The following MROH1 variants were observed in gnomAD, a reference collection of about 807,000 sequenced individuals.
MROH1 encodes maestro heat-like repeat-containing protein family member 1.
Under a neutral mutation model 116.5 loss-of-function variants are expected in MROH1, and 117 were observed. The ratio of observed to expected loss-of-function variants is 1.00; its 90% CI spans 0.86 to 1.17. MROH1 has a LOEUF of 1.17. Ranked by LOEUF, MROH1 falls within the 50% of genes most tolerant of loss-of-function variation. The probability of loss-of-function intolerance (pLI) is 0.00; values close to 1 mark genes in which losing one functional copy is unlikely to be tolerated. For missense variants in MROH1, 1,873 were observed against 1,338.5 expected (o/e 1.40, Z -6.23); for synonymous variants, 921 against 583.9 (o/e 1.58, Z -8.32).
chr8:144,196,662 T>C (rs538241681), intron 10 of MROH1, among the ~76,000 whole-genome samples: 13 of 151,584 alleles, frequency 8.6e-5, no homozygotes, highest in Non-Finnish European at 1.5e-5. Context: ...CAGCCCCCTA[T>C]GCTTTTATTA....
chr8:144,239,219 C>T, intron 16 of MROH1, 40 bp downstream of exon 16: 1 of 747,514 alleles, frequency 1.3e-6, no homozygotes, highest in Non-Finnish European at 2.4e-6. Flanking sequence ...ACTCCTGCCC[C>T]CACTTCCCCA....
At chr8:144,191,910 C>T in intron 9 of MROH1, 55 bp downstream of exon 9, 1 of 1,602,968 alleles carries the variant, frequency 6.2e-7, no homozygotes, top group Non-Finnish European at 8.5e-7. Flanking sequence ...AATCAGACTC[C>T]CCGGGGGTGG....
At chr8:144,173,737 C>T (rs1319015960) in intron 4 of MROH1, among the ~76,000 whole-genome samples, 2 of 152,172 alleles carry the variant, frequency 1.3e-5, no homozygotes, top group African/African-American at 4.8e-5. Flanking sequence ...GATTCTTCTT[C>T]TTGGTCCCTT....
chr8:144,175,600 T>G, intron 4 of MROH1: 1 of 962,290 alleles, frequency 1.0e-6, no homozygotes, highest in Non-Finnish European at 1.2e-6. Context: ...CATTGTCTCC[T>G]ACCTGGGAAG....
At position 144,180,336 on chromosome 8, in the gene MROH1, CA is replaced by C; in HGVS notation, c.461del (p.Asn154ThrfsTer5). On this transcript the variant is annotated frameshift_variant, in exon 6 of 44. Transcript: ENST00000326134. LOFTEE classifies it high-confidence loss of function. The surrounding 1 kb of genome is among the most constrained non-coding windows in gnomAD (Gnocchi z 7.4). Reference protein sequence around the residue: ...LHTLASLSVANAFGVVPFLPS... With the variant: ...LHTLASLSVAXAFGVVPFLPS... ...ACACCCTCGCCAGCCTCTCGGTGGC[CA>C]ACGGTAGGTGACGCGCGGCCTGCCC... 1 of 1,606,562 alleles carries C rather than the reference CA, an allele frequency of 6.2e-7. No individual in the cohort carries two copies. Among genetic ancestry groups the C allele is most frequent in the Non-Finnish European group, 8.5e-7 (1 of 1,179,074 alleles).
intron 3 of MROH1, among the ~76,000 whole-genome samples, chr8:144,166,932 G>T (rs1028241463): frequency 2.6e-5 from 4 of 152,220 alleles, no homozygotes; most frequent in Non-Finnish European, 5.9e-5. Context: ...AGATCTCATT[G>T]ATTTGGATCA....
chr8:144,230,039 T>TAAC (rs1554822267), intron 14 of MROH1, among the ~76,000 whole-genome samples: 1 of 151,242 alleles, frequency 6.6e-6, no homozygotes, highest in Non-Finnish European at 1.5e-5. Context: ...GTCTCAAAAA[T>TAAC]AATAATAATA....
chr8:144,242,401 G>A lies in MROH1; in HGVS notation c.2211G>A (p.Lys737=). ...DRSENEVEKV[K]SALILCYGHV... ...GTGAGAACGAAGTGGAGAAGGTGAAGAGTGCTCTGATCCTGTGCTATGGGC... is the reference window on the plus strand; with the variant it reads ...GTGAGAACGAAGTGGAGAAGGTGAAAAGTGCTCTGATCCTGTGCTATGGGC... The change falls in exon 23 of 44, where the codon AAG becomes AAA. Residue 737 remains lysine (K), a synonymous_variant. Transcript: ENST00000326134. 1.3e-6 allele frequency: 1 copy of A among 780,754 alleles called. No homozygotes were observed. The highest frequency in any genetic ancestry group is 2.4e-6 in the Non-Finnish European group (1 of 417,840). The allele number at this position is 780,754 out of a possible 1,614,324, so 48.4% of individuals were successfully genotyped here. A position where few individuals can be genotyped will look rare whatever the true frequency, so the allele number is the denominator to read the frequency against.
At chr8:144,259,782 A>C in intron 37 of MROH1, 129 bp from the exon 38 acceptor site, 1 of 694,082 alleles carries the variant, frequency 1.4e-6, no homozygotes. Flanking sequence ...TCGGAGACCC[A>C]GGGAGTAGGT....
chr8:144,213,789 A>G (rs558727472), intron 12 of MROH1, among the ~76,000 whole-genome samples: 1 of 151,908 alleles, frequency 6.6e-6, no homozygotes, highest in Non-Finnish European at 1.5e-5. Context: ...CTCCGTCTCA[A>G]AAAAAAAATT....
At chr8:144,258,723 G>A (rs1488963313) in intron 35 of MROH1, 54 bp from the exon 36 acceptor site, 3 of 728,026 alleles carry the variant, frequency 4.1e-6, no homozygotes, top group African/African-American at 3.5e-5. Flanking sequence ...AGTTAATCAG[G>A]AAGGGAGGTA....
At chr8:144,188,583 C>T (rs981628078) in intron 7 of MROH1, among the ~76,000 whole-genome samples, 10 of 150,952 alleles carry the variant, frequency 6.6e-5, no homozygotes, top group Non-Finnish European at 1.2e-4. Flanking sequence ...TCTCCTGCTT[C>T]AGCCTCCCAA....
intron 14 of MROH1, among the ~76,000 whole-genome samples, chr8:144,228,740 G>A (rs928786200): frequency 1.1e-4 from 17 of 152,214 alleles, no homozygotes; most frequent in Non-Finnish European, 1.8e-4. Context: ...GGGATTACAG[G>A]CGTAAGCCAC....
At chr8:144,248,117 G>A (rs1371181219) in intron 31 of MROH1, among the ~76,000 whole-genome samples, 5 of 152,172 alleles carry the variant, frequency 3.3e-5, no homozygotes, top group African/African-American at 9.7e-5. Flanking sequence ...AGGGTGCAGC[G>A]GGCTCTAGCC....
chr8:144,149,587 C>T (rs1816237472), intron 1 of MROH1, among the ~76,000 whole-genome samples: 1 of 152,084 alleles, frequency 6.6e-6, no homozygotes, highest in Non-Finnish European at 1.5e-5. Context: ...GGTTGCTGCC[C>T]TCTGTCTCGT....
chr8:144,224,129 T>C (rs1375571237), intron 14 of MROH1, among the ~76,000 whole-genome samples: 1 of 152,200 alleles, frequency 6.6e-6, no homozygotes, highest in Non-Finnish European at 1.5e-5. Context: ...GCCTCTGTTT[T>C]AGTCTTTCAG....
chr8:144,185,353 G>A (rs1391846128), intron 7 of MROH1, among the ~76,000 whole-genome samples: 2 of 152,020 alleles, frequency 1.3e-5, no homozygotes, highest in Non-Finnish European at 2.9e-5. Context: ...AGAAACTAAT[G>A]CTTTAGAAAA....
chr8:144,213,627 A>G (rs1415524523), intron 12 of MROH1, among the ~76,000 whole-genome samples: 1 of 152,106 alleles, frequency 6.6e-6, no homozygotes, highest in African/African-American at 2.4e-5. Context: ...CGTTTCTGCT[A>G]AAAATACAAA....
intron 14 of MROH1, among the ~76,000 whole-genome samples, chr8:144,225,692 C>T (rs1370322956): frequency 2.0e-5 from 3 of 151,930 alleles, no homozygotes; most frequent in Non-Finnish European, 4.4e-5. Context: ...GCTGGGATCA[C>T]AGGCATGCAC....
Sources: gnomAD v4.1 joint callset for allele counts (sites outside exome capture counted in the v4.1 genomes callset) on GRCh38, gnomAD v4.1.1 for gene constraint, Gnocchi (gnomAD v3.1) non-coding constraint, MANE v1.5 for transcripts, NCBI Gene and HGNC (gene_info 2026-07-23, HGNC 2026-07-21) for gene names.